The following PM20D2 variants were observed in gnomAD, a reference collection of about 807,000 sequenced individuals.
PM20D2 encodes the protein peptidase M20 domain containing 2.
A neutral mutation model predicts 42.9 loss-of-function variants in PM20D2; 33 were observed. The observed-to-expected ratio is 0.77, with a 90% CI of 0.58 to 1.03. PM20D2 has a LOEUF of 1.03. PM20D2 is among the 50% of genes least tolerant of loss of function. The pLI, the probability that PM20D2 is intolerant of heterozygous loss-of-function variation, is 0.00. For synonymous variants in PM20D2, 250 were observed against 228.2 expected (o/e 1.10, Z -0.86); for missense variants, 548 against 557.0 (o/e 0.98, Z 0.16).
chr6:89,145,964 C>G (rs1242849942), upstream of PM20D2: 1 of 464,284 alleles, frequency 2.2e-6, no homozygotes, highest in Non-Finnish European at 3.5e-6. Flanking sequence ...CGAGCGGCCG[C>G]CAGCGTTTCC....
At chr6:89,105,645 C>G in the PM20D2 span, 1 of 709,042 alleles carries the variant, frequency 1.4e-6, no homozygotes, top group African/African-American at 1.8e-5. Flanking sequence ...TTATTAAGCT[C>G]ACATCTTCAA....
intron 2 of PM20D2, among the ~76,000 whole-genome samples, chr6:89,152,465 T>C (rs1234214664): frequency 6.6e-6 from 1 of 152,216 alleles, no homozygotes; most frequent in Non-Finnish European, 1.5e-5. Flanking sequence ...AACTTAACAG[T>C]TTATTAAAAT....
the PM20D2 span, among the ~76,000 whole-genome samples, chr6:89,129,537 T>C: frequency 2.0e-5 from 3 of 152,174 alleles, no homozygotes; most frequent in Admixed American, 1.3e-4. Flanking sequence ...CAGGTATTAT[T>C]TTAAAAGCAA....
At chr6:89,147,842 G>T (rs1304479926) in intron 1 of PM20D2, among the ~76,000 whole-genome samples, 2 of 150,484 alleles carry the variant, frequency 1.3e-5, no homozygotes, top group Admixed American at 6.6e-5. Context: ...GCAGTGAGCC[G>T]ACATCGCGCC....
At chr6:89,107,387 T>C in the PM20D2 span, 9 of 682,594 alleles carry the variant, frequency 1.3e-5, no homozygotes, top group Admixed American at 3.0e-5. Context: ...AAATTGTTTT[T>C]TGTAAGAATC....
intron 5 of PM20D2, among the ~76,000 whole-genome samples, chr6:89,160,409 T>G (rs1771196085): frequency 2.0e-5 from 3 of 152,230 alleles, no homozygotes; most frequent in Non-Finnish European, 4.4e-5. Context: ...AGGATTGTGT[T>G]TGGAACGTAG....
At chr6:89,100,066 G>A in the PM20D2 span, among the ~76,000 whole-genome samples, 4 of 152,220 alleles carry the variant, frequency 2.6e-5, no homozygotes, top group African/African-American at 9.6e-5. Context: ...GGTGGGACAC[G>A]AGAGGCAAAA....
the PM20D2 span, among the ~76,000 whole-genome samples, chr6:89,125,148 A>T: frequency 2.0e-5 from 3 of 152,302 alleles, no homozygotes; most frequent in East Asian, 5.8e-4. Flanking sequence ...CAAGCAGATC[A>T]GTTAAAAGGG....
chr6:89,149,394 C>T lies in PM20D2; in HGVS notation c.595C>T (p.Pro199Ser). ...ATCACAAGAGAATGCTGCTTATCTA[C>T]CAGATATGGCTGAACATGAGTGAGT... The part of the protein sequence containing the change: ...HPSQENAAYL[P>S]DMAEHDVTVK... The change falls in exon 2 of 7, where the codon CCA becomes TCA. Residue 199 changes from proline to serine, a missense_variant. Physicochemically the swap from Pro to Ser is moderately conservative, Grantham distance 74. Around this residue, in one of 3 missense-constraint regions of PM20D2, gnomAD observed 470 missense variants for 464.4 expected, o/e 1.01. Coordinates refer to ENST00000275072, the MANE Select transcript of PM20D2 (RefSeq NM_001010853.3). 1 of 1,613,960 alleles carries T rather than the reference C, an allele frequency of 6.2e-7. No individual in the cohort carries two copies. Among genetic ancestry groups the T allele is most frequent in the East Asian group, 2.2e-5 (1 of 44,864 alleles).
chr6:89,161,440 A>C (rs1232822939), intron 5 of PM20D2, among the ~76,000 whole-genome samples: 1 of 152,218 alleles, frequency 6.6e-6, no homozygotes, highest in African/African-American at 2.4e-5. Flanking sequence ...AGACAGAAGA[A>C]GGGGCCATCA....
chr6:89,162,073 T>G (rs1180676584), intron 6 of PM20D2, 36 bp from the exon 7 acceptor site: 5 of 1,584,990 alleles, frequency 3.2e-6, no homozygotes, highest in Admixed American at 1.8e-5. Flanking sequence ...ACAGCTTAAA[T>G]AAGTAAGGAG....
At chr6:89,137,747 A>C in the PM20D2 span, among the ~76,000 whole-genome samples, 1 of 152,176 alleles carries the variant, frequency 6.6e-6, no homozygotes, top group Admixed American at 6.5e-5. Context: ...GCAATATGAA[A>C]ATTTTACAGC....
the PM20D2 span, among the ~76,000 whole-genome samples, chr6:89,124,026 G>T: frequency 1.3e-5 from 2 of 152,154 alleles, no homozygotes; most frequent in Admixed American, 6.6e-5. Flanking sequence ...AATAAAGCAA[G>T]ATCATGTCTC....
upstream of PM20D2, among the ~76,000 whole-genome samples, chr6:89,142,663 A>ATTG (rs1204238689): frequency 6.6e-6 from 1 of 151,160 alleles, no homozygotes; most frequent in African/African-American, 2.4e-5. Context: ...TATTATTATT[A>ATTG]TTATTATTTT....
the PM20D2 span, among the ~76,000 whole-genome samples, chr6:89,111,945 C>A: frequency 2.0e-5 from 3 of 152,148 alleles, no homozygotes; most frequent in Admixed American, 1.3e-4. Flanking sequence ...AGTACAAAAG[C>A]AAAGATATTA....
the PM20D2 span, chr6:89,098,399 G>A: frequency 4.5e-6 from 3 of 661,292 alleles, no homozygotes; most frequent in Non-Finnish European, 7.0e-6. Flanking sequence ...TGTAGTGTGG[G>A]CCCTTTAAAT....
chr6:89,098,942 C>T, the PM20D2 span: 6 of 1,610,932 alleles, frequency 3.7e-6, no homozygotes, highest in Admixed American at 1.7e-5. Context: ...TCGCCTGTGT[C>T]GAGACCTGCA....
Position 89,152,900 on chromosome 6 carries a change from GTTA to G in PM20D2, c.615-139_615-137del, listed in dbSNP as rs1770901713. Reference sequence around the variant, plus strand: ...ATAACTAACATAAATAAATTGCAGTGTTATTACTACAAATAATTTGCAAATCAA... The same window carrying G: ...ATAACTAACATAAATAAATTGCAGTGTTACTACAAATAATTTGCAAATCAA... On this transcript the variant is annotated intron_variant, in intron 2 of 6. Coordinates refer to ENST00000275072, the MANE Select transcript of PM20D2 (RefSeq NM_001010853.3). The G allele has an allele frequency of 1.5e-5, 9 of 588,908 alleles. No homozygotes were observed. The South Asian group carries it at 2.0e-4, about 13-fold the overall frequency. The allele number at this position is 588,908 out of a possible 1,614,324, so 36.5% of individuals were successfully genotyped here.
rs547629206 is a variant in PM20D2, at chr6:89,162,134, T to C, written c.1182T>C (p.Thr394=). The change falls in exon 7 of 7, where the codon ACT becomes ACC. Residue 394 remains threonine (T), a synonymous_variant. Transcript: ENST00000275072. The part of the protein sequence containing the change: ...AAGSQEAQFY[T]LRTAKALAMT... ...GGTCACAGGAAGCTCAGTTCTACACTCTGCGGACGGCCAAAGCTCTGGCAA... is the reference window on the plus strand; with the variant it reads ...GGTCACAGGAAGCTCAGTTCTACACCCTGCGGACGGCCAAAGCTCTGGCAA... 21 of 1,613,930 alleles carry C rather than the reference T, an allele frequency of 1.3e-5. No homozygotes were observed. In the South Asian group the frequency reaches 2.3e-4, roughly 18 times the overall value.
Sources: gnomAD v4.1 joint callset for allele counts (sites outside exome capture counted in the v4.1 genomes callset) on GRCh38, gnomAD v4.1.1 for gene constraint, gnomAD v4.1.1 regional missense constraint, MANE v1.5 for transcripts, NCBI Gene and HGNC (gene_info 2026-07-23, HGNC 2026-07-21) for gene names.